The following QPCT variants were observed in gnomAD, a reference collection of about 807,000 sequenced individuals.
QPCT encodes EC.
A neutral mutation model predicts 43.4 loss-of-function variants in QPCT; 44 were observed. The ratio of observed to expected loss-of-function variants is 1.01; its 90% CI spans 0.80 to 1.30. QPCT has a LOEUF of 1.30. Ranked by LOEUF, QPCT falls within the 50% of genes most tolerant of loss-of-function variation. The probability of loss-of-function intolerance (pLI) is 0.00; values close to 1 mark genes in which losing one functional copy is unlikely to be tolerated. For missense variants in QPCT, 526 were observed against 436.5 expected (o/e 1.21, Z -1.83); for synonymous variants, 168 against 168.4 (o/e 1.00, Z 0.02).
intron 3 of QPCT, among the ~76,000 whole-genome samples, chr2:37,366,084 G>C (rs994089072): frequency 6.6e-6 from 1 of 152,170 alleles, no homozygotes; most frequent in Non-Finnish European, 1.5e-5. Flanking sequence ...TGATTGACTG[G>C]AATTTAAGCC....
intron 2 of QPCT, among the ~76,000 whole-genome samples, chr2:37,353,581 C>T (rs1468802192): frequency 6.6e-6 from 1 of 152,190 alleles, no homozygotes; most frequent in Non-Finnish European, 1.5e-5. Context: ...TCATAACCCA[C>T]TAAACTGATT....
intron 1 of QPCT, among the ~76,000 whole-genome samples, chr2:37,347,183 T>TATATATATATAAC (rs1672515783): frequency 1.8e-5 from 1 of 56,942 alleles, no homozygotes; most frequent in African/African-American, 8.3e-5. Context: ...ATATATAACA[T>TATATATATATAAC]ATATATATAA....
Position 37,344,654 on chromosome 2 carries a change from G to C in QPCT, c.-78G>C. On this transcript the variant is annotated 5_prime_UTR_variant, in exon 1 of 7. Coordinates refer to ENST00000338415, the MANE Select transcript of QPCT (RefSeq NM_012413.4). Reference sequence around the variant, plus strand: ...CAGTCGACCCAAGGGTGGAGAAGAGGGAAGGCGAAGGACGCGCGTTCCCGG... The same window carrying C: ...CAGTCGACCCAAGGGTGGAGAAGAGCGAAGGCGAAGGACGCGCGTTCCCGG... 1 of 1,522,532 alleles carries C rather than the reference G, an allele frequency of 6.6e-7. No homozygotes were observed. Among genetic ancestry groups the C allele is most frequent in the East Asian group, 2.5e-5 (1 of 39,838 alleles). The allele number at this position is 1,522,532 out of a possible 1,614,324, so 94.3% of individuals were successfully genotyped here. A position where few individuals can be genotyped will look rare whatever the true frequency, so the allele number is the denominator to read the frequency against.
chr2:37,347,844 CT>C (rs1431101708), intron 1 of QPCT, among the ~76,000 whole-genome samples: 5 of 152,148 alleles, frequency 3.3e-5, no homozygotes, highest in Non-Finnish European at 7.4e-5. Flanking sequence ...GCTTTATATG[CT>C]CTTTAAAAAT....
At chr2:37,366,472 G>A (rs552122210) in intron 3 of QPCT, among the ~76,000 whole-genome samples, 15 of 152,140 alleles carry the variant, frequency 9.9e-5, no homozygotes, top group Non-Finnish European at 2.1e-4. Context: ...CAAGGGAAGG[G>A]CTATAATTAT....
chr2:37,345,763 G>C (rs966359429), intron 1 of QPCT, among the ~76,000 whole-genome samples: 1 of 151,014 alleles, frequency 6.6e-6, no homozygotes, highest in African/African-American at 2.4e-5. Context: ...GTGAACCCGG[G>C]GGGCGGAGCT....
rs1047456260 is a variant in QPCT at position 37,367,241 on chromosome 2, G to C, written c.556G>C (p.Asp186His). ...KKLLSLKTVSDSKPDLSLQLI... is the reference protein window; with the variant it reads ...KKLLSLKTVSHSKPDLSLQLI... ...TTGTTGTTTTTACCAGACTGTTTCA[G>C]ACTCCAAGCCAGATTTGTCACTCCA... Residue 186 changes from aspartate (D) to histidine (H), a missense_variant, in exon 4 of 7, where the codon GAC becomes CAC. Physicochemically the swap from Asp to His is moderately conservative, Grantham distance 81. Transcript: ENST00000338415. 3 of 1,612,554 alleles carry C rather than the reference G, an allele frequency of 1.9e-6. No individual in the cohort carries two copies. Among genetic ancestry groups the C allele is most frequent in the African/African-American group, 2.7e-5 (2 of 74,752 alleles).
intron 1 of QPCT, among the ~76,000 whole-genome samples, chr2:37,345,817 C>T (rs1672475974): frequency 7.7e-6 from 1 of 130,710 alleles, no homozygotes; most frequent in African/African-American, 2.9e-5. Flanking sequence ...ACCTGGGCGA[C>T]ACAGCGAGAC....
intron 2 of QPCT, 85 bp downstream of exon 2, chr2:37,353,020 TGTC>T (rs1195562531): frequency 1.1e-5 from 16 of 1,450,438 alleles, no homozygotes; most frequent in Non-Finnish European, 1.5e-5. Context: ...AGTTCTGAGG[TGTC>T]TAATATTCAG....
intron 6 of QPCT, 68 bp from the exon 7 acceptor site, chr2:37,372,614 A>G: frequency 1.9e-6 from 3 of 1,545,514 alleles, no homozygotes; most frequent in Non-Finnish European, 2.7e-6. Flanking sequence ...CTCTGCTTGA[A>G]GAATGACCCT....
chr2:37,347,568 A>G (rs1208596544), intron 1 of QPCT, among the ~76,000 whole-genome samples: 1 of 151,950 alleles, frequency 6.6e-6, no homozygotes, highest in East Asian at 1.9e-4. Context: ...TAAAACAGGT[A>G]GTTTGGTTTT....
Position 37,372,854 on chromosome 2 carries a change from G to GTTCTAGAATTGAATTCAAAAGTCAAGGC in QPCT, c.*28_*55dup. The GTTCTAGAATTGAATTCAAAAGTCAAGGC allele has an allele frequency of 6.4e-7, 1 of 1,559,194 alleles. No individual in the cohort carries two copies. Among genetic ancestry groups the GTTCTAGAATTGAATTCAAAAGTCAAGGC allele is most frequent in the East Asian group, 2.3e-5 (1 of 44,246 alleles). On this transcript the variant is annotated 3_prime_UTR_variant, in exon 7 of 7. Coordinates refer to ENST00000338415, the MANE Select transcript of QPCT (RefSeq NM_012413.4). ...ACTCTGATTTAGTTTAGGATAATTGGTTCTAGAATTGAATTCAAAAGTCAA... is the reference window on the plus strand; with the variant it reads ...ACTCTGATTTAGTTTAGGATAATTGGTTCTAGAATTGAATTCAAAAGTCAAGGCTTCTAGAATTGAATTCAAAAGTCAA...
chr2:37,346,165 C>T (rs1672485992), intron 1 of QPCT, among the ~76,000 whole-genome samples: 1 of 152,208 alleles, frequency 6.6e-6, no homozygotes, highest in South Asian at 2.1e-4. Flanking sequence ...CATTTCAATT[C>T]TTCGGATCTA....
At chr2:37,362,024 C>G (rs1371264832) in intron 3 of QPCT, among the ~76,000 whole-genome samples, 1 of 152,168 alleles carries the variant, frequency 6.6e-6, no homozygotes, top group East Asian at 1.9e-4. Context: ...TCATGGGACT[C>G]AGGATGAATG....
intron 2 of QPCT, among the ~76,000 whole-genome samples, chr2:37,356,387 C>T (rs906884910): frequency 6.6e-6 from 1 of 152,142 alleles, no homozygotes; most frequent in Admixed American, 6.5e-5. Context: ...AGATGTATAG[C>T]AACCCAAAGT....
intron 3 of QPCT, among the ~76,000 whole-genome samples, chr2:37,366,794 GC>G (rs142904776): frequency 6.6e-6 from 1 of 152,178 alleles, no homozygotes; most frequent in East Asian, 1.9e-4. Context: ...TCTTTAGAGA[GC>G]CCCCCGTACC....
chr2:37,360,470 G>C (rs1170314780), intron 3 of QPCT, among the ~76,000 whole-genome samples: 1 of 151,932 alleles, frequency 6.6e-6, no homozygotes, highest in Non-Finnish European at 1.5e-5. Flanking sequence ...TGTTCTTAAG[G>C]GTATATTGGA....
chr2:37,364,227 G>A (rs1033483262), intron 3 of QPCT, among the ~76,000 whole-genome samples: 7 of 152,176 alleles, frequency 4.6e-5, no homozygotes, highest in African/African-American at 1.7e-4. Context: ...CCTAGAAGTT[G>A]CTTAAAGCTG....
intron 1 of QPCT, among the ~76,000 whole-genome samples, chr2:37,349,859 A>G (rs984605614): frequency 6.6e-6 from 1 of 152,164 alleles, no homozygotes; most frequent in Non-Finnish European, 1.5e-5. Context: ...TTATTATTAT[A>G]TAAATACAGT....
Sources: allele counts gnomAD v4.1 joint callset (sites outside exome capture counted in the v4.1 genomes callset), GRCh38; gene constraint gnomAD v4.1.1; transcripts MANE v1.5; gene names NCBI Gene and HGNC (gene_info 2026-07-23, HGNC 2026-07-21).